AKIP1: variants seen among roughly 807,000 people sequenced by gnomAD.
AKIP1 encodes A-kinase interacting protein 1.
Under a neutral mutation model 22.3 loss-of-function variants are expected in AKIP1, and 18 were observed. The observed-to-expected ratio is 0.81, with a 90% CI of 0.56 to 1.19. AKIP1 has a LOEUF of 1.19. AKIP1 is among the 50% of genes most tolerant of loss of function. The pLI, the probability that AKIP1 is intolerant of heterozygous loss-of-function variation, is 0.00. For missense variants in AKIP1, 287 were observed against 264.6 expected (o/e 1.08, Z -0.59); for synonymous variants, 120 against 102.7 (o/e 1.17, Z -1.02).
At chr11:8,916,436 G>A (rs1401070256) in intron 4 of AKIP1, among the ~76,000 whole-genome samples, 1 of 152,198 alleles carries the variant, frequency 6.6e-6, no homozygotes, top group Admixed American at 6.5e-5. Flanking sequence ...ATTCAAAGGA[G>A]GAGGTGGTGG....
Position 8,914,908 on chromosome 11 carries a change from G to T in AKIP1, c.386G>T (p.Cys129Phe). 1.2e-6 allele frequency: 2 copies of T among 1,613,852 alleles called. No homozygotes were observed. The highest frequency in any genetic ancestry group is 2.2e-5 in the South Asian group (2 of 91,074). Residue 129 changes from cysteine (C) to phenylalanine (F), a missense_variant, in exon 4 of 6, where the codon TGC (cysteine) becomes TTC (phenylalanine). By Grantham distance (205) the Cys-to-Phe change is radical (BLOSUM62 -2). Transcript: ENST00000309377. ...YHRGESKLHMCLDIGNGQRKD... is the reference protein window; with the variant it reads ...YHRGESKLHMFLDIGNGQRKD... ...AGAGGCGAGTCGAAGCTGCACATGT[G>T]CTTGGACATAGGGAATGGTCAGGTA...
Position 8,911,506 on chromosome 11 carries a change from G to T in AKIP1, c.57G>T (p.Gln19His). The T allele has an allele frequency of 6.2e-7, 1 of 1,609,290 alleles. No individual in the cohort carries two copies. Among genetic ancestry groups the T allele is most frequent in the Non-Finnish European group, 8.5e-7 (1 of 1,178,168 alleles). ...ALNGVDRRSL[Q>H]RSARLALEVL... ...ATGGGGTGGACCGACGTTCCCTGCA[G>T]CGTTCAGCAAGGCTGGCTCTAGAAG... Residue 19 changes from glutamine (Q) to histidine (H), a missense_variant, in exon 2 of 6, where the codon CAG (glutamine) becomes CAT (histidine). By Grantham distance (24) the Gln-to-His change is conservative (BLOSUM62 0). Coordinates refer to ENST00000309377, the MANE Select transcript of AKIP1 (RefSeq NM_020642.4).
In AKIP1 at chr11:8,911,555, G is replaced by T; in HGVS notation, c.106G>T (p.Ala36Ser). 1 of 1,611,338 alleles carries T rather than the reference G, an allele frequency of 6.2e-7. No individual in the cohort carries two copies. Among genetic ancestry groups the T allele is most frequent in the Non-Finnish European group, 8.5e-7 (1 of 1,179,094 alleles). Residue 36 changes from alanine (A) to serine (S), a missense_variant, in exon 2 of 6, where the codon GCG becomes TCG. Coordinates refer to ENST00000309377, the MANE Select transcript of AKIP1 (RefSeq NM_020642.4). ...LEVLERAKRR[A>S]VDWHALERPK... ...AGTGCTGGAGAGGGCCAAGAGGAGG[G>T]CGGTGGACTGGCATGCCCTGGAGCG... is the stretch of plus-strand genomic sequence containing the variant.
intron 3 of AKIP1, 110 bp downstream of exon 3, chr11:8,912,643 C>A: frequency 1.0e-6 from 1 of 964,816 alleles, no homozygotes; most frequent in Non-Finnish European, 1.6e-6. Flanking sequence ...CCTGCCCAGC[C>A]TTCACGGTCA....
intron 2 of AKIP1, 123 bp downstream of exon 2, chr11:8,911,794 C>G (rs2064360516): frequency 1.0e-6 from 1 of 986,272 alleles, no homozygotes; most frequent in East Asian, 2.7e-5. Context: ...TGGAAAGGAT[C>G]AGAACAATGA....
intron 2 of AKIP1, among the ~76,000 whole-genome samples, chr11:8,911,896 TAA>T (rs34044522): frequency 4.8e-5 from 7 of 144,840 alleles, no homozygotes; most frequent in South Asian, 2.2e-4. Flanking sequence ...GTTGGTTACT[TAA>T]AAAAAAAAAA....
chr11:8,917,452 G>C (rs1249563953), intron 5 of AKIP1, 85 bp downstream of exon 5: 8 of 1,002,220 alleles, frequency 8.0e-6, no homozygotes. Context: ...AGGGCTATTT[G>C]AATTGAGTCT....
At chr11:8,911,256 G>A in intron 1 of AKIP1, 33 bp downstream of exon 1, 13 of 592,746 alleles carry the variant, frequency 2.2e-5, no homozygotes, top group Admixed American at 9.3e-5. Flanking sequence ...GGAAGGGGTA[G>A]ATGAAAATGG....
intron 3 of AKIP1, among the ~76,000 whole-genome samples, chr11:8,913,052 TG>T (rs2064422995): frequency 6.7e-6 from 1 of 150,176 alleles, no homozygotes; most frequent in Non-Finnish European, 1.5e-5. Context: ...TTTTTTTTTT[TG>T]TATTTTTAGT....
intron 4 of AKIP1, among the ~76,000 whole-genome samples, chr11:8,915,307 A>G (rs552795094): frequency 1.3e-5 from 2 of 149,764 alleles, no homozygotes; most frequent in Non-Finnish European, 3.0e-5. Context: ...ATTTTTTTTT[A>G]AAAGAGCTCT....
rs2134824428 is a variant in AKIP1, at chr11:8,919,477, G to A, written c.630G>A (p.Val210=). 6.2e-7 allele frequency: 1 copy of A among 1,612,956 alleles called. No individual in the cohort carries two copies. Among genetic ancestry groups the A allele is most frequent in the South Asian group, 1.1e-5 (1 of 90,766 alleles). ...AAAGCGTGGACCTGGTCTTCCCTGTGTGATGTTGACCATCACTGCCATCAC... is the reference window on the plus strand; with the variant it reads ...AAAGCGTGGACCTGGTCTTCCCTGTATGATGTTGACCATCACTGCCATCAC... ...SGQSVDLVFP[V] The change falls in exon 6 of 6, where the codon GTG becomes GTA. Residue 210 remains valine (V), a synonymous_variant. Coordinates refer to ENST00000309377, the MANE Select transcript of AKIP1 (RefSeq NM_020642.4).
rs748815079 is a variant in AKIP1, at chr11:8,911,595, T to TG, written c.151dup (p.Val51GlyfsTer33). ...GCCCTGGAGCGTCCCAAAGGCTGCA[T>TG]GGGGGTCCTTGCCCGGGAGGCGCCC... is the stretch of plus-strand genomic sequence containing the variant. On this transcript the variant is annotated frameshift_variant, in exon 2 of 6. Coordinates refer to ENST00000309377, the MANE Select transcript of AKIP1 (RefSeq NM_020642.4). LOFTEE classifies it high-confidence loss of function. The TG allele has an allele frequency of 1.9e-6, 3 of 1,607,014 alleles. No individual in the cohort carries two copies. The highest frequency in any genetic ancestry group is 1.1e-5 in the South Asian group (1 of 89,584).
intron 3 of AKIP1, among the ~76,000 whole-genome samples, chr11:8,914,569 C>G (rs542555108): frequency 6.6e-6 from 1 of 152,172 alleles, no homozygotes; most frequent in African/African-American, 2.4e-5. Context: ...GTCCTGCCCA[C>G]CTTTAGTTAG....
At chr11:8,911,419 G>T in intron 1 of AKIP1, 25 bp from the exon 2 acceptor site, 7 of 1,547,724 alleles carry the variant, frequency 4.5e-6, no homozygotes, top group Non-Finnish European at 6.1e-6. Flanking sequence ...ACCCGCCGGC[G>T]TTTGTACGTT....
In AKIP1 at chr11:8,917,067, G is replaced by A. The variant is rs756586489; in HGVS notation, c.409-220G>A. Among the ~76,000 whole-genome samples the A allele has an allele frequency of 1.4e-4, 22 of 152,176 alleles. 1 individual carries two copies. The highest frequency in any genetic ancestry group is 6.2e-4 in the South Asian group (3 of 4,826). On this transcript the variant is annotated intron_variant, in intron 4 of 5. Transcript: ENST00000309377. ...GCAGAGATAGGACTTAAACTCAGGC[G>A]TGGCTGATTCCAAAGCCCATGTAAG...
chr11:8,919,482 G>T lies in AKIP1; in HGVS notation c.*2G>T. The T allele has an allele frequency of 6.2e-7, 1 of 1,612,742 alleles. No individual in the cohort carries two copies. Among genetic ancestry groups the T allele is most frequent in the Non-Finnish European group, 8.5e-7 (1 of 1,179,662 alleles). On this transcript the variant is annotated 3_prime_UTR_variant, in exon 6 of 6. Coordinates refer to ENST00000309377, the MANE Select transcript of AKIP1 (RefSeq NM_020642.4). ...GTGGACCTGGTCTTCCCTGTGTGAT[G>T]TTGACCATCACTGCCATCACATCAC...
In AKIP1 at chr11:8,912,476, T is replaced by C. The variant is rs1483607045; in HGVS notation, c.246T>C (p.Leu82=). 2 of 1,614,064 alleles carry C rather than the reference T, an allele frequency of 1.2e-6. No homozygotes were observed. The highest frequency in any genetic ancestry group is 2.2e-5 in the East Asian group (1 of 44,886). ...AGAGAGAAGAGAGACCCCCAACCCTTAGTGCTTCCTTCAGAACAATGGCTG... is the reference window on the plus strand; with the variant it reads ...AGAGAGAAGAGAGACCCCCAACCCTCAGTGCTTCCTTCAGAACAATGGCTG... ...PGEREERPPT[L]SASFRTMAEF... is the part of the protein sequence containing the mutation. Residue 82 remains leucine, a synonymous_variant, in exon 3 of 6, where the codon CTT becomes CTC. Coordinates refer to ENST00000309377, the MANE Select transcript of AKIP1 (RefSeq NM_020642.4).
At position 8,911,433 on chromosome 11, in the gene AKIP1, TGC is replaced by T. The variant is rs1378568323; in HGVS notation, c.-6-10_-6-9del. 4 of 1,570,674 alleles carry T rather than the reference TGC, an allele frequency of 2.5e-6. No homozygotes were observed. The African/African-American group carries it at 5.4e-5, about 21-fold the overall frequency. On this transcript the variant is annotated splice_polypyrimidine_tract_variant and intron_variant, in intron 1 of 5. Coordinates refer to ENST00000309377, the MANE Select transcript of AKIP1 (RefSeq NM_020642.4). ...GACCCGCCGGCGTTTGTACGTTGTG[TGC>T]CCACTCAGGGAGCCATGGACAACTG...
At chr11:8,913,740 T>G (rs1045568589) in intron 3 of AKIP1, among the ~76,000 whole-genome samples, 1 of 152,212 alleles carries the variant, frequency 6.6e-6, no homozygotes, top group Non-Finnish European at 1.5e-5. Context: ...TCTACATCTT[T>G]TATAAGAATC....
Sources: allele counts gnomAD v4.1 joint callset (sites outside exome capture counted in the v4.1 genomes callset), GRCh38; gene constraint gnomAD v4.1.1; transcripts MANE v1.5; gene names NCBI Gene and HGNC (gene_info 2026-07-23, HGNC 2026-07-21).